The following TAF2 variants were observed in gnomAD, a reference collection of about 807,000 sequenced individuals.
TAF2 encodes transcription initiation factor TFIID subunit 2.
In TAF2, 61 loss-of-function variants were observed where a neutral mutation model predicts 138.5. The ratio of observed to expected loss-of-function variants is 0.44; its 90% CI spans 0.36 to 0.54. The LOEUF (loss-of-function observed/expected upper bound fraction) is 0.54. TAF2 is among the 20% of genes least tolerant of loss of function. The pLI is 0.00. For missense variants in TAF2, 1,090 were observed against 1,427.9 expected, an observed-to-expected ratio of 0.76 and a Z score of 3.81; for synonymous variants, 475 against 469.9, an observed-to-expected ratio of 1.01 and a Z score of -0.14.
rs144824969 is a variant in TAF2 at position 119,748,137 on chromosome 8, A to G, written c.2879-1203T>C. Among the ~76,000 whole-genome samples the G allele has an allele frequency of 2.0e-5, 3 of 150,066 alleles. No homozygotes were observed. The East Asian group carries it at 6.0e-4, about 30-fold the overall frequency. ...AGGCCTTGTCTCAAAAAATAAAGAA[A>G]GGAAGGAAGGGAGGGAGGGAAGGGG... On this transcript the variant is annotated intron_variant, in intron 22 of 25. Transcript: ENST00000378164.
At chr8:119,733,859 T>C (rs1819044837) in intron 25 of TAF2, among the ~76,000 whole-genome samples, 1 of 152,066 alleles carries the variant, frequency 6.6e-6, no homozygotes, top group African/African-American at 2.4e-5. Context: ...GTACTAGTAT[T>C]ATAGATACTA....
chr8:119,743,105 C>T (rs377642037), intron 24 of TAF2, among the ~76,000 whole-genome samples: 2 of 151,610 alleles, frequency 1.3e-5, no homozygotes, highest in African/African-American at 4.8e-5. Flanking sequence ...AAAACAAAAA[C>T]AGTAAACCTG....
chr8:119,775,548 C>T (rs1184481933), intron 18 of TAF2, among the ~76,000 whole-genome samples: 1 of 151,512 alleles, frequency 6.6e-6, no homozygotes, highest in African/African-American at 2.4e-5. Context: ...ACTAAAAGTA[C>T]AACAATTAGC....
At position 119,826,386 on chromosome 8, in the gene TAF2, T is replaced by A. The variant is rs141590378; in HGVS notation, c.138+5291A>T. On this transcript the variant is annotated intron_variant, in intron 2 of 25. Coordinates refer to ENST00000378164, the MANE Select transcript of TAF2 (RefSeq NM_003184.4). ...TACTCCTTGCCTTCTGCCATGATTG[T>A]GAGGTTTCCCCAGCCACATGGAACT... Among the ~76,000 whole-genome samples, 1,378 of 152,230 alleles carry A rather than the reference T, an allele frequency of 9.1e-3. 20 individuals carry two copies. Among genetic ancestry groups the A allele is most frequent in the African/African-American group, 0.032 (1,314 of 41,548 alleles).
At chr8:119,749,688 G>C (rs755210499) in intron 22 of TAF2, among the ~76,000 whole-genome samples, 1 of 152,106 alleles carries the variant, frequency 6.6e-6, no homozygotes, top group Non-Finnish European at 1.5e-5. Context: ...CCCCTCATCA[G>C]GTCTAAAATC....
At position 119,804,048 on chromosome 8, in the gene TAF2, G is replaced by A. The variant is rs537165104; in HGVS notation, c.419-29C>T. ...CAACAAATAAACATATACACACATT[G>A]ATACATAAGTTACAGTGGTCTATAT... On this transcript the variant is annotated intron_variant, in intron 4 of 25. Coordinates refer to ENST00000378164, the MANE Select transcript of TAF2 (RefSeq NM_003184.4). 6.8e-6 allele frequency: 11 copies of A among 1,612,452 alleles called. No homozygotes were observed. The African/African-American group carries it at 1.5e-4, about 22-fold the overall frequency.
intron 22 of TAF2, among the ~76,000 whole-genome samples, chr8:119,748,847 C>G (rs1298804637): frequency 6.6e-6 from 1 of 151,718 alleles, no homozygotes; most frequent in Admixed American, 6.6e-5. Flanking sequence ...CAACCCAGAG[C>G]AGCTGGCCCT....
intron 23 of TAF2, among the ~76,000 whole-genome samples, chr8:119,745,889 A>T (rs1819932034): frequency 1.3e-5 from 2 of 151,830 alleles, no homozygotes; most frequent in Admixed American, 6.6e-5. Context: ...AAATCAGCAG[A>T]TTATTAATTT....
chr8:119,774,000 T>C lies in TAF2; in HGVS notation c.2364+4019A>G, dbSNP rs539681338. ...TCCTGGCTAACATGGTGAAACCCTG[T>C]CTCTACTAAAAATACAAAAAATTAG... On this transcript the variant is annotated intron_variant, in intron 18 of 25. Coordinates refer to ENST00000378164, the MANE Select transcript of TAF2 (RefSeq NM_003184.4). 9.0e-4 allele frequency among the ~76,000 whole-genome samples: 137 copies of C among 151,568 alleles called. 1 individual carries two copies. Among genetic ancestry groups the C allele is most frequent in the African/African-American group, 3.1e-3 (128 of 41,508 alleles).
At chr8:119,785,382 G>A in intron 14 of TAF2, 116 bp from the exon 15 acceptor site, 2 of 692,364 alleles carry the variant, frequency 2.9e-6, no homozygotes, top group Non-Finnish European at 5.0e-6. Flanking sequence ...CTATCCTTAG[G>A]AAAAATGGCT....
chr8:119,764,451 A>C (rs933323805), intron 18 of TAF2, among the ~76,000 whole-genome samples: 1 of 152,218 alleles, frequency 6.6e-6, no homozygotes, highest in South Asian at 2.1e-4. Context: ...AAAATTTAAT[A>C]ATATACCAGT....
chr8:119,772,216 CA>C (rs1347758641), intron 18 of TAF2, among the ~76,000 whole-genome samples: 4 of 152,230 alleles, frequency 2.6e-5, no homozygotes, highest in African/African-American at 9.6e-5. Flanking sequence ...ATGCCTACAT[CA>C]AAAAGAGAGA....
chr8:119,794,098 GAA>G (rs1282865949), intron 9 of TAF2, among the ~76,000 whole-genome samples: 2 of 151,758 alleles, frequency 1.3e-5, no homozygotes, highest in African/African-American at 4.8e-5. Context: ...TTAATTAAAA[GAA>G]AAAAAGCATA....
intron 22 of TAF2, among the ~76,000 whole-genome samples, chr8:119,747,168 C>A (rs1165598705): frequency 6.6e-6 from 1 of 152,178 alleles, no homozygotes; most frequent in African/African-American, 2.4e-5. Context: ...ATCCCACATT[C>A]ATTCATTCTC....
At chr8:119,801,008 ATGTGC>A (rs1165099802) in intron 6 of TAF2, among the ~76,000 whole-genome samples, 1 of 152,212 alleles carries the variant, frequency 6.6e-6, no homozygotes, top group African/African-American at 2.4e-5. Flanking sequence ...GTGATAAGAT[ATGTGC>A]TGGGAAGAAA....
At position 119,746,875 on chromosome 8, in the gene TAF2, CA is replaced by C; in HGVS notation, c.2937del (p.Phe979LeufsTer20). 1 of 1,613,982 alleles carries C rather than the reference CA, an allele frequency of 6.2e-7. No individual in the cohort carries two copies. The highest frequency in any genetic ancestry group is 8.5e-7 in the Non-Finnish European group (1 of 1,179,986). On this transcript the variant is annotated frameshift_variant, in exon 23 of 26. Coordinates refer to ENST00000378164, the MANE Select transcript of TAF2 (RefSeq NM_003184.4). LOFTEE classifies it high-confidence loss of function. ...CGAVDLYFTL[F>X]GLSRPSCLPL... ...GGTAAACAGGAAGGTCTACTGAGGC[CA>C]AAAAGTGTGAAGTACAAGTCCACAG...
intron 10 of TAF2, 85 bp from the exon 11 acceptor site, chr8:119,791,544 C>A: frequency 6.8e-7 from 1 of 1,466,858 alleles, no homozygotes; most frequent in Non-Finnish European, 9.2e-7. Context: ...CAAGAAAATA[C>A]CCAAAAAACC....
At position 119,735,258 on chromosome 8, in the gene TAF2, T is replaced by C. The variant is rs192911200; in HGVS notation, c.3338-3072A>G. On this transcript the variant is annotated intron_variant, in intron 25 of 25. Transcript: ENST00000378164. ...TCTTTTTCGTCTTTGTGTCCCAACA[T>C]ATAGCACAGTATCTATCATCCCCTA... Among the ~76,000 whole-genome samples, 1,288 of 152,274 alleles carry C rather than the reference T, an allele frequency of 8.5e-3. 9 individuals carry two copies. The highest frequency in any genetic ancestry group is 0.01 in the Non-Finnish European group (707 of 68,018).
chr8:119,785,363 C>A, intron 14 of TAF2, 97 bp from the exon 15 acceptor site: 1 of 816,362 alleles, frequency 1.2e-6, no homozygotes, highest in Non-Finnish European at 2.1e-6. Flanking sequence ...TTTCACACAA[C>A]ATTGAAAGCT....
Sources: gnomAD v4.1 joint callset for allele counts (sites outside exome capture counted in the v4.1 genomes callset) on GRCh38, gnomAD v4.1.1 for gene constraint, MANE v1.5 for transcripts, NCBI Gene and HGNC (gene_info 2026-07-23, HGNC 2026-07-21) for gene names.